The following EIF2B5 variants were observed in gnomAD, a reference collection of about 807,000 sequenced individuals.
EIF2B5 encodes translation initiation factor eIF2B subunit epsilon.
Under a neutral mutation model 87.3 loss-of-function variants are expected in EIF2B5, and 38 were observed. The ratio of observed to expected loss-of-function variants is 0.44; its 90% CI spans 0.34 to 0.57. The LOEUF is 0.57. Among genes scored for constraint, EIF2B5 ranks in the 20% least tolerant of loss-of-function variants. The pLI is 0.02. For synonymous variants in EIF2B5, 313 were observed against 339.6 expected, an observed-to-expected ratio of 0.92 and a Z score of 0.86; for missense variants, 784 against 909.5, an observed-to-expected ratio of 0.86 and a Z score of 1.78.
chr3:184,143,766 G>A, intron 13 of EIF2B5: 2 of 762,096 alleles, frequency 2.6e-6, no homozygotes, highest in Non-Finnish European at 4.3e-6. Context: ...GAGACTCCAG[G>A]ATTTCATACC....
At position 184,144,189 on chromosome 3, in the gene EIF2B5, C is replaced by A; in HGVS notation, c.1960C>A (p.Leu654Ile). ...GTTAGCAGCCATTGAGGACTTCTTC[C>A]TAGAGCATGAAGCTCTTGGTATTTC... is the stretch of plus-strand genomic sequence containing the variant. ...EALAAIEDFF[L>I]EHEALGISMA... The change falls in exon 14 of 16, where the codon CTA becomes ATA. Residue 654 changes from leucine (L) to isoleucine (I), a missense_variant. Physicochemically the swap from Leu to Ile is conservative, Grantham distance 5. Around this residue, in one of 3 missense-constraint regions of EIF2B5, gnomAD observed 660 missense variants for 789.5 expected, o/e 0.84. Coordinates refer to ENST00000648915, the MANE Select transcript of EIF2B5 (RefSeq NM_003907.3). 1.2e-6 allele frequency: 2 copies of A among 1,614,190 alleles called. No individual in the cohort carries two copies. Among genetic ancestry groups the A allele is most frequent in the Non-Finnish European group, 1.7e-6 (2 of 1,180,034 alleles).
chr3:184,138,149 G>A lies in EIF2B5; in HGVS notation c.685-17G>A, dbSNP rs1421144919. The A allele has an allele frequency of 6.2e-7, 1 of 1,614,154 alleles. No homozygotes were observed. On this transcript the variant is annotated splice_polypyrimidine_tract_variant and intron_variant, in intron 4 of 15. Transcript: ENST00000648915. ...GTGGGAGAAACAAATTAAAGTCCTTGTAACTTCTCCCCACAGAGCCTGTTT... is the reference window on the plus strand; with the variant it reads ...GTGGGAGAAACAAATTAAAGTCCTTATAACTTCTCCCCACAGAGCCTGTTT...
At chr3:184,143,178 TC>T (rs752184273) in intron 12 of EIF2B5, 36 bp downstream of exon 12, 1 of 1,602,654 alleles carries the variant, frequency 6.2e-7, no homozygotes, top group Non-Finnish European at 8.5e-7. Flanking sequence ...CTCGGGGTGA[TC>T]CCGGGAAGGT....
chr3:184,141,453 C>T (rs1372753768), intron 7 of EIF2B5, among the ~76,000 whole-genome samples: 1 of 152,130 alleles, frequency 6.6e-6, no homozygotes, highest in African/African-American at 2.4e-5. Flanking sequence ...CCTGTAATCT[C>T]AGCTATTCGG....
rs1379114353 is a variant in EIF2B5, at chr3:184,144,900, A to G, written c.2123A>G (p.Gln708Arg). 6.2e-7 allele frequency: 1 copy of G among 1,613,752 alleles called. No individual in the cohort carries two copies. Among genetic ancestry groups the G allele is most frequent in the Non-Finnish European group, 8.5e-7 (1 of 1,180,010 alleles). Residue 708 changes from glutamine to arginine, a missense_variant, in exon 16 of 16, where the codon CAG becomes CGG. By Grantham distance (43) the Gln-to-Arg change is conservative. This residue lies in a region of EIF2B5 where 660 missense variants were observed against 789.5 expected (regional missense o/e 0.84). Transcript: ENST00000648915. ...RKNQQLQRFI[Q>R]WLKEAEEESS... ...TCTTTACAGCTGCAGAGGTTCATCC[A>G]GTGGCTAAAAGAGGCAGAAGAGGAG...
At chr3:184,141,461 C>A (rs997459514) in intron 7 of EIF2B5, among the ~76,000 whole-genome samples, 3 of 151,994 alleles carry the variant, frequency 2.0e-5, no homozygotes, top group South Asian at 4.2e-4. Flanking sequence ...CTCAGCTATT[C>A]GGGAGGCTGA....
At chr3:184,138,297 G>C in intron 5 of EIF2B5, 51 bp downstream of exon 5, 1 of 1,484,598 alleles carries the variant, frequency 6.7e-7, no homozygotes, top group Non-Finnish European at 9.4e-7. Context: ...AACTCTGTGG[G>C]TCTGTTATTG....
chr3:184,136,906 G>C lies in EIF2B5; in HGVS notation c.320+170G>C, dbSNP rs1713387257. The C allele has an allele frequency of 2.2e-6, 2 of 904,154 alleles. 1 individual carries two copies. The highest frequency in any genetic ancestry group is 3.4e-6 in the Non-Finnish European group (2 of 579,996). The allele number at this position is 904,154 out of a possible 1,614,324, so 56.0% of individuals were successfully genotyped here. The stretch of plus-strand genomic sequence containing the variant: ...TCAGGAGGTGAGCAGCTGAAACTTT[G>C]TATCTGTCTGTCTTGGGTTTTCTGT... On this transcript the variant is annotated intron_variant, in intron 2 of 15. Coordinates refer to ENST00000648915, the MANE Select transcript of EIF2B5 (RefSeq NM_003907.3).
Position 184,144,979 on chromosome 3 carries a change from G to T in EIF2B5, c.*36G>T. 1 of 1,602,470 alleles carries T rather than the reference G, an allele frequency of 6.2e-7. No homozygotes were observed. The highest frequency in any genetic ancestry group is 8.5e-7 in the Non-Finnish European group (1 of 1,171,250). On this transcript the variant is annotated 3_prime_UTR_variant, in exon 16 of 16. Coordinates refer to ENST00000648915, the MANE Select transcript of EIF2B5 (RefSeq NM_003907.3). ...CCTGCTCCTTTGGGTGTGATTGAGT[G>T]CCCTCCTGGCTCCTGGGCTGGGACA...
Position 184,142,682 on chromosome 3 carries a change from TA to T in EIF2B5, c.1546+80del. ...GATAATGAATACTTCAGAGTCACAT[TA>T]CTTATTCACTCCTTTATTCAGGCAG... On this transcript the variant is annotated intron_variant, in intron 10 of 15. Coordinates refer to ENST00000648915, the MANE Select transcript of EIF2B5 (RefSeq NM_003907.3). This position sits in a 1 kb window ranked among gnomAD's most constrained non-coding sequence, Gnocchi z 5.0. 6.4e-7 allele frequency: 1 copy of T among 1,554,034 alleles called. No individual in the cohort carries two copies.
intron 5 of EIF2B5, among the ~76,000 whole-genome samples, chr3:184,139,162 G>T (rs1713501686): frequency 6.6e-6 from 1 of 151,696 alleles, no homozygotes; most frequent in South Asian, 2.1e-4. Context: ...GTAGAGATGG[G>T]GTTTCACCAT....
At chr3:184,137,541 A>C (rs1713415455) in intron 2 of EIF2B5, 79 bp from the exon 3 acceptor site, 1 of 1,462,454 alleles carries the variant, frequency 6.8e-7, no homozygotes, top group African/African-American at 1.4e-5. Context: ...GTGAGTGCTG[A>C]AAGGGGGTGA....
chr3:184,135,516 A>G lies in EIF2B5; in HGVS notation c.131A>G (p.Gln44Arg). 1 of 1,588,748 alleles carries G rather than the reference A, an allele frequency of 6.3e-7. No individual in the cohort carries two copies. The highest frequency in any genetic ancestry group is 8.6e-7 in the Non-Finnish European group (1 of 1,168,438). ...GAGGAGGAACCGCCGCCGCCCCTAC[A>G]AGCAGTTCTGGTGGCCGATAGCTTC... ...GAEEEPPPPL[Q>R]AVLVADSFDR... The change falls in exon 1 of 16, where the codon CAA becomes CGA. Residue 44 changes from glutamine to arginine, a missense_variant. By Grantham distance (43) the Gln-to-Arg change is conservative. Coordinates refer to ENST00000648915, the MANE Select transcript of EIF2B5 (RefSeq NM_003907.3).
chr3:184,142,459 G>T lies in EIF2B5; in HGVS notation c.1445-43G>T. The T allele has an allele frequency of 7.4e-6, 12 of 1,614,118 alleles. No homozygotes were observed. The highest frequency in any genetic ancestry group is 1.0e-5 in the Non-Finnish European group (12 of 1,180,006). ...CCAGTGTTTCCTCCTGGAGGGATTG[G>T]TGCTTCCGCCGGGCCCTCTCTATAG... On this transcript the variant is annotated intron_variant, in intron 9 of 15. Transcript: ENST00000648915. The surrounding 1 kb of genome is among the most constrained non-coding windows in gnomAD (Gnocchi z 5.0).
intron 7 of EIF2B5, chr3:184,140,934 ACT>A: frequency 3.2e-6 from 2 of 623,242 alleles, no homozygotes; most frequent in Non-Finnish European, 5.6e-6. Flanking sequence ...TCATTGGATG[ACT>A]CTTCACATTC....
chr3:184,139,185 G>A (rs939521456), intron 5 of EIF2B5, among the ~76,000 whole-genome samples: 1 of 151,646 alleles, frequency 6.6e-6, no homozygotes, highest in Non-Finnish European at 1.5e-5. Flanking sequence ...TGGCCAGGCT[G>A]GTCTCTAACT....
At chr3:184,144,349 T>C in intron 14 of EIF2B5, 125 bp downstream of exon 14, 3 of 1,480,096 alleles carry the variant, frequency 2.0e-6, no homozygotes, top group Non-Finnish European at 2.8e-6. Flanking sequence ...CCAATATGCT[T>C]ATTGCTAGAA....
chr3:184,138,789 T>C, intron 5 of EIF2B5: 1 of 244,680 alleles, frequency 4.1e-6, no homozygotes, highest in South Asian at 3.7e-5. Context: ...TGCCTCAGCC[T>C]CCTGAGTAGA....
intron 15 of EIF2B5, 79 bp from the exon 16 acceptor site, chr3:184,144,805 T>TA: frequency 1.9e-6 from 3 of 1,582,330 alleles, no homozygotes; most frequent in Non-Finnish European, 2.6e-6. Context: ...CTCTGGTTGT[T>TA]AGAGCTGTTT....
Sources: gnomAD v4.1 joint callset for allele counts (sites outside exome capture counted in the v4.1 genomes callset) on GRCh38, gnomAD v4.1.1 for gene constraint, gnomAD v4.1.1 regional missense constraint, Gnocchi (gnomAD v3.1) non-coding constraint, MANE v1.5 for transcripts, NCBI Gene and HGNC (gene_info 2026-07-23, HGNC 2026-07-21) for gene names.